TMEM87B: variants seen among roughly 807,000 people sequenced by gnomAD.
The protein encoded by TMEM87B is transmembrane protein 87B.
A neutral mutation model predicts 80.3 loss-of-function variants in TMEM87B; 83 were observed. That is an observed-to-expected ratio of 1.03 (90% CI 0.87 to 1.24). The LOEUF (loss-of-function observed/expected upper bound fraction) is 1.24. Ranked by LOEUF, TMEM87B falls within the 50% of genes most tolerant of loss-of-function variation. The pLI is 0.00. For missense variants in TMEM87B, 625 were observed against 674.4 expected, an observed-to-expected ratio of 0.93 and a Z score of 0.81; for synonymous variants, 219 against 230.5, an observed-to-expected ratio of 0.95 and a Z score of 0.45.
intron 11 of TMEM87B, among the ~76,000 whole-genome samples, chr2:112,092,787 G>A (rs979042390): frequency 9.9e-5 from 15 of 152,136 alleles, no homozygotes; most frequent in Non-Finnish European, 2.1e-4. Context: ...AGTTGAGTCT[G>A]GGGAATCCCA....
chr2:112,087,433 G>A (rs1406061249), intron 9 of TMEM87B, among the ~76,000 whole-genome samples: 1 of 151,846 alleles, frequency 6.6e-6, no homozygotes, highest in Non-Finnish European at 1.5e-5. Context: ...CCTGACCTTC[G>A]GTTTTTTTTT....
intron 4 of TMEM87B, among the ~76,000 whole-genome samples, chr2:112,071,728 A>G (rs1163486185): frequency 6.6e-6 from 1 of 152,198 alleles, no homozygotes; most frequent in Non-Finnish European, 1.5e-5. Context: ...TCGTCTGCAC[A>G]CAGGGATAGT....
chr2:112,065,379 G>T (rs1287848649), intron 3 of TMEM87B, among the ~76,000 whole-genome samples: 1 of 151,966 alleles, frequency 6.6e-6, no homozygotes, highest in Non-Finnish European at 1.5e-5. Flanking sequence ...GGCAGGGTGG[G>T]TCACACCTGT....
rs1679829471 is a variant in TMEM87B, at chr2:112,108,367, C to T, written c.1577+527C>T. On this transcript the variant is annotated intron_variant, in intron 17 of 18. Coordinates refer to ENST00000283206, the MANE Select transcript of TMEM87B (RefSeq NM_032824.3). ...ACATATTGGTCTTTCCCTCCCTAGC[C>T]CCCATCTGGTTTCTGTTTAGATAGC... Among the ~76,000 whole-genome samples, 3 of 152,146 alleles carry T rather than the reference C, an allele frequency of 2.0e-5. No homozygotes were observed. The South Asian group carries it at 6.2e-4, about 32-fold the overall frequency.
At position 112,080,959 on chromosome 2, in the gene TMEM87B, T is replaced by C. The variant is rs1393874058; in HGVS notation, c.593-98T>C. On this transcript the variant is annotated intron_variant, in intron 6 of 18. Transcript: ENST00000283206. Reference sequence around the variant, plus strand: ...TGCTACATACAAATTCAGCATTTGTTAGTGTGGTTTGTATTCTTGGAGCCT... The same window carrying C: ...TGCTACATACAAATTCAGCATTTGTCAGTGTGGTTTGTATTCTTGGAGCCT... 5 of 990,258 alleles carry C rather than the reference T, an allele frequency of 5.0e-6. No individual in the cohort carries two copies. The Middle Eastern group carries it at 1.0e-3, about 207-fold the overall frequency. 61.3% of individuals were successfully genotyped at this position (990,258 alleles called of 1,614,324 possible).
In TMEM87B at chr2:112,087,574, T is replaced by C. The variant is rs1429572480; in HGVS notation, c.938+1470T>C. 2.0e-5 allele frequency among the ~76,000 whole-genome samples: 3 copies of C among 152,184 alleles called. No homozygotes were observed. The South Asian group carries it at 6.2e-4, about 32-fold the overall frequency. On this transcript the variant is annotated intron_variant, in intron 9 of 18. Transcript: ENST00000283206. The stretch of plus-strand genomic sequence containing the variant: ...GATAGTCACGGGCCACCCCTGCCTT[T>C]GTGCCCACTCAACTGTGAGGGAAAC...
At chr2:112,090,989 CT>C (rs1345155999) in intron 10 of TMEM87B, among the ~76,000 whole-genome samples, 1 of 152,066 alleles carries the variant, frequency 6.6e-6, no homozygotes, top group Non-Finnish European at 1.5e-5. Flanking sequence ...ATGAAGAACT[CT>C]GCATTCATAT....
At chr2:112,082,159 T>G (rs1214650275) in intron 8 of TMEM87B, among the ~76,000 whole-genome samples, 1 of 152,166 alleles carries the variant, frequency 6.6e-6, no homozygotes, top group Non-Finnish European at 1.5e-5. Context: ...ACCAAAGCTT[T>G]GGAAAGAGAG....
At chr2:112,082,201 T>A (rs1317112255) in intron 8 of TMEM87B, among the ~76,000 whole-genome samples, 1 of 152,214 alleles carries the variant, frequency 6.6e-6, no homozygotes, top group Non-Finnish European at 1.5e-5. Context: ...CTCAAGAGTG[T>A]ACTTCTGAGT....
chr2:112,090,480 G>A (rs937223968), intron 10 of TMEM87B, among the ~76,000 whole-genome samples: 20 of 152,038 alleles, frequency 1.3e-4, no homozygotes, highest in African/African-American at 3.6e-4. Context: ...GTGCAGTGGC[G>A]CAGTGGCATG....
chr2:112,099,525 CATAT>C lies in TMEM87B; in HGVS notation c.1376+855_1376+858del, dbSNP rs778514391. Among the ~76,000 whole-genome samples, 546 of 122,672 alleles carry C rather than the reference CATAT, an allele frequency of 4.5e-3. 2 individuals carry two copies. Among genetic ancestry groups the C allele is most frequent in the Middle Eastern group, 0.017 (4 of 242 alleles). 80.5% of individuals were successfully genotyped at this position (122,672 alleles called of 152,430 possible). On this transcript the variant is annotated intron_variant, in intron 14 of 18. Transcript: ENST00000283206. ...TCCTTTTTAAAATTATACAATAATA[CATAT>C]ATATATATATATATATATATATATA...
rs1035491068 is a variant in TMEM87B, at chr2:112,069,053, G to A, written c.450+1986G>A. ...TAAAAATACAAAAAATTAGCCGGGCGCGGTGGCGGGCGCCTGTAGTCCCAG... is the reference window on the plus strand; with the variant it reads ...TAAAAATACAAAAAATTAGCCGGGCACGGTGGCGGGCGCCTGTAGTCCCAG... On this transcript the variant is annotated intron_variant, in intron 4 of 18. Coordinates refer to ENST00000283206, the MANE Select transcript of TMEM87B (RefSeq NM_032824.3). Among the ~76,000 whole-genome samples the A allele has an allele frequency of 1.7e-4, 25 of 151,480 alleles. 1 individual carries two copies. Among genetic ancestry groups the A allele is most frequent in the African/African-American group, 5.1e-4 (21 of 41,340 alleles).
intron 1 of TMEM87B, 66 bp downstream of exon 1, chr2:112,055,822 C>T (rs2104447833): frequency 1.4e-6 from 2 of 1,433,602 alleles, no homozygotes; most frequent in East Asian, 5.6e-5. Flanking sequence ...TGCGGCTTCG[C>T]TTGACCCCGG....
At position 112,070,899 on chromosome 2, in the gene TMEM87B, G is replaced by A. The variant is rs146022871; in HGVS notation, c.450+3832G>A. On this transcript the variant is annotated intron_variant, in intron 4 of 18. Transcript: ENST00000283206. ...TGTAGTGGCGCAGTCTCCACTCACT[G>A]CAACCTCCACCTCCCGGGTTCATGC... 3.4e-3 allele frequency among the ~76,000 whole-genome samples: 516 copies of A among 150,974 alleles called. 1 individual carries two copies. Among genetic ancestry groups the A allele is most frequent in the Middle Eastern group, 0.021 (6 of 292 alleles).
chr2:112,092,264 T>A (rs773469186), intron 11 of TMEM87B, among the ~76,000 whole-genome samples: 80 of 152,024 alleles, frequency 5.3e-4, no homozygotes, highest in Non-Finnish European at 9.4e-4. Flanking sequence ...AGGGAAGAGG[T>A]ATTCTAGGAA....
chr2:112,081,978 C>T (rs917578098), intron 8 of TMEM87B, among the ~76,000 whole-genome samples: 3 of 152,128 alleles, frequency 2.0e-5, no homozygotes, highest in African/African-American at 7.2e-5. Flanking sequence ...TGTGCTCTCC[C>T]CACCTCTTTA....
At chr2:112,112,719 A>T (rs1298549641) in intron 17 of TMEM87B, among the ~76,000 whole-genome samples, 180 bp from the exon 18 acceptor site, 1 of 152,222 alleles carries the variant, frequency 6.6e-6, no homozygotes, top group Non-Finnish European at 1.5e-5. Flanking sequence ...GCTATTGAGA[A>T]CAGCACTGCT....
At chr2:112,089,200 G>A (rs1679232486) in intron 9 of TMEM87B, among the ~76,000 whole-genome samples, 1 of 152,198 alleles carries the variant, frequency 6.6e-6, no homozygotes, top group African/African-American at 2.4e-5. Context: ...CTCTGCCCAA[G>A]TCATGAGACA....
At chr2:112,058,482 G>C (rs964429870) in intron 1 of TMEM87B, among the ~76,000 whole-genome samples, 1 of 152,208 alleles carries the variant, frequency 6.6e-6, no homozygotes, top group Non-Finnish European at 1.5e-5. Flanking sequence ...CTAGCAGAGT[G>C]GGCACAGAAT....
Sources: allele counts gnomAD v4.1 joint callset (sites outside exome capture counted in the v4.1 genomes callset), GRCh38; gene constraint gnomAD v4.1.1; transcripts MANE v1.5; gene names NCBI Gene and HGNC (gene_info 2026-07-23, HGNC 2026-07-21).